Variants in ANKRD44 observed in about 807,000 individuals in gnomAD.
The protein encoded by ANKRD44 is serine/threonine-protein phosphatase 6 regulatory ankyrin repeat subunit B.
A neutral mutation model predicts 116.0 loss-of-function variants in ANKRD44; 35 were observed. The ratio of observed to expected loss-of-function variants is 0.30; its 90% CI spans 0.23 to 0.40. The LOEUF is 0.40. ANKRD44 is among the 10% of genes least tolerant of loss of function. The probability of loss-of-function intolerance (pLI) is 1.00; values close to 1 mark genes in which losing one functional copy is unlikely to be tolerated. For synonymous variants in ANKRD44, 435 were observed against 461.8 expected, an observed-to-expected ratio of 0.94 and a Z score of 0.74; for missense variants, 1,014 against 1,242.6, an observed-to-expected ratio of 0.82 and a Z score of 2.77.
intron 1 of ANKRD44, among the ~76,000 whole-genome samples, chr2:197,220,493 T>G (rs1369248159): frequency 6.6e-6 from 1 of 152,202 alleles, no homozygotes; most frequent in Non-Finnish European, 1.5e-5. Context: ...AAGAAGGAAA[T>G]GCAACAGAGA....
At position 196,995,407 on chromosome 2, in the gene ANKRD44, T is replaced by C. The variant is rs1351048123; in HGVS notation, c.2803A>G (p.Ile935Val). ...TGCAGTGCATTATTTTTTTCATTAA[T>C]AAGGCTCTCGTCTTGTATCTTGTCA... ...ILDKIQDESL[I>V]NEKNNALQTP... The change falls in exon 26 of 28, where the codon ATT becomes GTT. Residue 935 changes from isoleucine (I) to valine (V), a missense_variant. Ile to Val is a conservative substitution (Grantham distance 29, BLOSUM62 3). Transcript: ENST00000282272. 2.5e-6 allele frequency: 4 copies of C among 1,612,568 alleles called. No homozygotes were observed. The highest frequency in any genetic ancestry group is 2.2e-5 in the South Asian group (2 of 90,470).
intron 3 of ANKRD44, among the ~76,000 whole-genome samples, chr2:197,139,028 G>A (rs1388843092): frequency 1.3e-5 from 2 of 152,108 alleles, no homozygotes; most frequent in Admixed American, 1.3e-4. Flanking sequence ...GTGTGACGAG[G>A]CCAAGATTTG....
chr2:197,107,212 G>A (rs1051737430), intron 9 of ANKRD44, among the ~76,000 whole-genome samples: 5 of 152,230 alleles, frequency 3.3e-5, no homozygotes, highest in African/African-American at 1.2e-4. Context: ...GAAGGATTGT[G>A]AGCCAAAGGG....
chr2:197,117,371 C>G (rs1419931977), intron 8 of ANKRD44, among the ~76,000 whole-genome samples: 1 of 152,208 alleles, frequency 6.6e-6, no homozygotes, highest in African/African-American at 2.4e-5. Context: ...TCCTGTGTCG[C>G]TGGGATTACA....
intron 19 of ANKRD44, 135 bp downstream of exon 19, chr2:197,008,809 T>C: frequency 2.8e-6 from 2 of 716,436 alleles, no homozygotes; most frequent in Admixed American, 2.4e-5. Flanking sequence ...GCCACCTCAT[T>C]GTGTATTGGT....
chr2:197,201,351 A>G lies in ANKRD44; in HGVS notation c.28-14245T>C, dbSNP rs2081087688. ...AGTTACTGAGTTTAAATAAAACCTA[A>G]TTTGCTGTGTGTTTTTATTTAGCAG... On this transcript the variant is annotated intron_variant, in intron 1 of 27. Coordinates refer to ENST00000282272, the MANE Select transcript of ANKRD44 (RefSeq NM_001195144.2). This position sits in a 1 kb window ranked among gnomAD's most constrained non-coding sequence, Gnocchi z 4.0. 6.6e-6 allele frequency among the ~76,000 whole-genome samples: 1 copy of G among 152,196 alleles called. No homozygotes were observed. Among genetic ancestry groups the G allele is most frequent in the African/African-American group, 2.4e-5 (1 of 41,438 alleles).
chr2:197,147,608 A>T (rs1267398522), intron 2 of ANKRD44, among the ~76,000 whole-genome samples: 1 of 152,088 alleles, frequency 6.6e-6, no homozygotes, highest in Non-Finnish European at 1.5e-5. Flanking sequence ...CTGCCCATTC[A>T]TGAAATACTT....
At chr2:197,038,947 G>A (rs1407135881) in intron 16 of ANKRD44, among the ~76,000 whole-genome samples, 3 of 150,728 alleles carry the variant, frequency 2.0e-5, no homozygotes, top group Non-Finnish European at 3.0e-5. Flanking sequence ...TTCCAAATGT[G>A]AAAAAAAAAT....
intron 17 of ANKRD44, among the ~76,000 whole-genome samples, chr2:197,020,752 C>G (rs954165497): frequency 6.6e-6 from 1 of 151,580 alleles, no homozygotes; most frequent in African/African-American, 2.4e-5. Flanking sequence ...CTTTAAAAAG[C>G]CTTATTAGGT....
At chr2:197,146,094 C>A (rs370671413) in intron 3 of ANKRD44, among the ~76,000 whole-genome samples, 1 of 152,084 alleles carries the variant, frequency 6.6e-6, no homozygotes, top group Non-Finnish European at 1.5e-5. Flanking sequence ...AAAAATTAAA[C>A]CACTGGCATT....
chr2:197,221,207 T>C (rs2081577327), intron 1 of ANKRD44, among the ~76,000 whole-genome samples: 1 of 149,530 alleles, frequency 6.7e-6, no homozygotes, highest in African/African-American at 2.5e-5. Context: ...GCCGAGATCA[T>C]GGCACTGCAC....
intron 2 of ANKRD44, among the ~76,000 whole-genome samples, chr2:197,180,586 C>G (rs182848974): frequency 1.3e-5 from 2 of 152,106 alleles, no homozygotes; most frequent in East Asian, 1.9e-4. Context: ...AGTCCTTCAT[C>G]TTCATATCAA....
intron 6 of ANKRD44, among the ~76,000 whole-genome samples, chr2:197,123,684 G>A (rs1273033214): frequency 1.3e-5 from 2 of 152,206 alleles, no homozygotes; most frequent in Non-Finnish European, 1.5e-5. Flanking sequence ...CCTTTATTTC[G>A]GGACTGAAGA....
chr2:197,189,376 G>C (rs1008005466), intron 1 of ANKRD44, among the ~76,000 whole-genome samples: 2 of 152,162 alleles, frequency 1.3e-5, no homozygotes, highest in Non-Finnish European at 2.9e-5. Flanking sequence ...TTAAGTAGCA[G>C]GAAAGAAGTC....
chr2:197,139,848 TTGTGTGTGTGTGTGTGTGTGTGTGTGTG>T (rs71012957), intron 3 of ANKRD44, among the ~76,000 whole-genome samples: 1 of 131,598 alleles, frequency 7.6e-6, no homozygotes, highest in African/African-American at 2.9e-5. Flanking sequence ...TAAGCTGCTT[TTGTGTGTGTGTGTGTGTGTGTGTGTGTG>T]TGTGTGTGTG....
At chr2:197,002,219 C>T (rs946997929) in intron 21 of ANKRD44, among the ~76,000 whole-genome samples, 3 of 152,234 alleles carry the variant, frequency 2.0e-5, no homozygotes, top group Admixed American at 1.3e-4. Context: ...AATACTTCCA[C>T]TTACATTATG....
At chr2:197,064,043 G>C (rs930007499) in intron 16 of ANKRD44, among the ~76,000 whole-genome samples, 1 of 152,232 alleles carries the variant, frequency 6.6e-6, no homozygotes, top group Non-Finnish European at 1.5e-5. Context: ...GTTAAGGGCA[G>C]TCAGAGAGAA....
intron 2 of ANKRD44, among the ~76,000 whole-genome samples, chr2:197,180,679 G>T (rs2080481395): frequency 6.6e-6 from 1 of 152,078 alleles, no homozygotes; most frequent in Non-Finnish European, 1.5e-5. Context: ...TTAAAAAGCT[G>T]GGCTACATAG....
intron 16 of ANKRD44, among the ~76,000 whole-genome samples, chr2:197,043,800 T>C (rs1485976609): frequency 6.6e-6 from 1 of 152,074 alleles, no homozygotes; most frequent in Non-Finnish European, 1.5e-5. Flanking sequence ...TACTGTATCA[T>C]GGGTTCTTTA....
Sources: gnomAD v4.1 joint callset for allele counts (sites outside exome capture counted in the v4.1 genomes callset) on GRCh38, gnomAD v4.1.1 for gene constraint, Gnocchi (gnomAD v3.1) non-coding constraint, MANE v1.5 for transcripts, NCBI Gene and HGNC (gene_info 2026-07-23, HGNC 2026-07-21) for gene names.